KATNIP: variants seen among roughly 807,000 people sequenced by gnomAD.
KATNIP encodes katanin-interacting protein.
In KATNIP, 126 loss-of-function variants were observed where a neutral mutation model predicts 174.0. The ratio of observed to expected loss-of-function variants is 0.72; its 90% confidence interval spans 0.63 to 0.84. The LOEUF (loss-of-function observed/expected upper bound fraction) is 0.84. Among genes scored for constraint, KATNIP ranks in the 40% least tolerant of loss-of-function variants. The pLI is 0.00. For synonymous variants in KATNIP, 810 were observed against 835.7 expected, an observed-to-expected ratio of 0.97 and a Z score of 0.53; for missense variants, 1,958 against 2,109.7, an observed-to-expected ratio of 0.93 and a Z score of 1.41.
chr16:27,730,121 C>T (rs2080612825), intron 14 of KATNIP, among the ~76,000 whole-genome samples: 2 of 152,234 alleles, frequency 1.3e-5, no homozygotes, highest in South Asian at 4.1e-4. Context: ...CTGCAGAATG[C>T]TTCAGGGGAG....
chr16:27,718,637 C>T (rs1022841913), intron 13 of KATNIP: 2 of 152,186 alleles, frequency 1.3e-5, no homozygotes, highest in Admixed American at 6.5e-5. Context: ...TAAGGGTCAG[C>T]CATCAGTCTC....
Position 27,756,879 on chromosome 16 carries a change from C to T in KATNIP, c.3631+2628C>T, listed in dbSNP as rs573940917. ...TGCCTCCCTCTCCCTGCTTTCTTTT[C>T]GTCTCTTGACATTCTCCCATTCAAC... On this transcript the variant is annotated intron_variant, in intron 18 of 27. Coordinates refer to ENST00000261588, the MANE Select transcript of KATNIP (RefSeq NM_015202.5). Among the ~76,000 whole-genome samples, 167 of 152,314 alleles carry T rather than the reference C, an allele frequency of 1.1e-3. 2 individuals carry two copies. The highest frequency in any genetic ancestry group is 3.9e-3 in the African/African-American group (161 of 41,570).
At chr16:27,576,021 T>C (rs2090484004) in intron 2 of KATNIP, among the ~76,000 whole-genome samples, 1 of 152,134 alleles carries the variant, frequency 6.6e-6, no homozygotes, top group Non-Finnish European at 1.5e-5. Context: ...CGCCCTCAGT[T>C]AACTGACCTG....
chr16:27,770,802 TGTG>T (rs1490953446), intron 21 of KATNIP, among the ~76,000 whole-genome samples: 1 of 152,230 alleles, frequency 6.6e-6, no homozygotes, highest in East Asian at 1.9e-4. Flanking sequence ...GTTTTACAGA[TGTG>T]GGAACTGAGG....
At chr16:27,563,499 T>C (rs2089967264) in intron 1 of KATNIP, among the ~76,000 whole-genome samples, 2 of 151,464 alleles carry the variant, frequency 1.3e-5, no homozygotes, top group Non-Finnish European at 2.9e-5. Flanking sequence ...GCCTGGGCAA[T>C]AGAGCAAGGT....
rs759776184 is a variant in KATNIP, at chr16:27,740,111, A to G, written c.1814A>G (p.Asp605Gly). 2.5e-6 allele frequency: 4 copies of G among 1,614,230 alleles called. No homozygotes were observed. The highest frequency in any genetic ancestry group is 1.1e-5 in the South Asian group (1 of 91,086). ...NRNLIFNGKL[D>G]KGDREAPADH... ...AACCTCATCTTCAATGGCAAGTTAGACAAAGGAGATAGGGAGGCCCCAGCT... is the reference window on the plus strand; with the variant it reads ...AACCTCATCTTCAATGGCAAGTTAGGCAAAGGAGATAGGGAGGCCCCAGCT... The change falls in exon 15 of 28, where the codon GAC becomes GGC. Residue 605 changes from aspartate to glycine, a missense_variant. Asp to Gly is a moderately conservative substitution (Grantham distance 94). This residue lies in a region of KATNIP where 1,557 missense variants were observed against 1,617.8 expected (regional missense o/e 0.96). Transcript: ENST00000261588.
At chr16:27,774,052 G>A (rs548007071) in intron 23 of KATNIP, among the ~76,000 whole-genome samples, 3 of 152,284 alleles carry the variant, frequency 2.0e-5, no homozygotes, top group Admixed American at 6.5e-5. Flanking sequence ...CCAAGCAGTA[G>A]GCTATCCTGC....
intron 2 of KATNIP, among the ~76,000 whole-genome samples, chr16:27,596,719 G>A (rs902181639): frequency 1.3e-5 from 2 of 152,116 alleles, no homozygotes; most frequent in South Asian, 2.1e-4. Context: ...GCAAGACCCC[G>A]TTTCCACAAA....
intron 2 of KATNIP, 134 bp from the exon 3 acceptor site, chr16:27,618,291 C>T (rs550111103): frequency 1.7e-5 from 11 of 662,590 alleles, no homozygotes; most frequent in South Asian, 1.0e-4. Flanking sequence ...TGGAGCAATG[C>T]GCCTGGGGTG....
chr16:27,751,645 G>T (rs1597376081), intron 16 of KATNIP, 74 bp from the exon 17 acceptor site: 4 of 1,434,620 alleles, frequency 2.8e-6, no homozygotes, highest in Non-Finnish European at 3.9e-6. Context: ...AAGTGGATGG[G>T]TTTAGGCTCT....
intron 8 of KATNIP, among the ~76,000 whole-genome samples, chr16:27,683,512 C>A (rs2078419621): frequency 6.6e-6 from 1 of 152,114 alleles, no homozygotes; most frequent in Non-Finnish European, 1.5e-5. Flanking sequence ...TGGGAGGCAA[C>A]CCCTGTCGGC....
chr16:27,631,204 G>C lies in KATNIP; in HGVS notation c.408+42G>C, dbSNP rs1349464777. ...CCCAGCCCACGCTTTAGAATACAGA[G>C]TGTGGGTGGCTGTGGGAATAGAAAT... On this transcript the variant is annotated intron_variant, in intron 5 of 27. Coordinates refer to ENST00000261588, the MANE Select transcript of KATNIP (RefSeq NM_015202.5). The C allele has an allele frequency of 3.5e-6, 5 of 1,429,420 alleles. No individual in the cohort carries two copies. In the East Asian group the frequency reaches 9.9e-5, roughly 28 times the overall value. 88.5% of individuals were successfully genotyped at this position (1,429,420 alleles called of 1,614,324 possible).
rs377436080 is a variant in KATNIP, at chr16:27,751,939, G to A, written c.3552+15G>A. On this transcript the variant is annotated intron_variant, in intron 17 of 27. Transcript: ENST00000261588. ...CTGATGAACGGGTAGGACTGGAGCT[G>A]GGGGGCTGTGGGGGGACCCCCAGAT... is the stretch of plus-strand genomic sequence containing the variant. 6.3e-7 allele frequency: 1 copy of A among 1,579,730 alleles called. No individual in the cohort carries two copies. The highest frequency in any genetic ancestry group is 8.6e-7 in the Non-Finnish European group (1 of 1,165,728).
intron 2 of KATNIP, among the ~76,000 whole-genome samples, chr16:27,605,632 A>G (rs2075677632): frequency 6.6e-6 from 1 of 152,188 alleles, no homozygotes; most frequent in Non-Finnish European, 1.5e-5. Context: ...ATATTTTGTT[A>G]GGACACCTAT....
At chr16:27,630,963 G>T in intron 4 of KATNIP, 102 bp from the exon 5 acceptor site, 2 of 849,222 alleles carry the variant, frequency 2.4e-6, no homozygotes, top group Non-Finnish European at 3.9e-6. Context: ...CAAGACTTTG[G>T]GCACACTGAT....
In KATNIP at chr16:27,703,995, A is replaced by G; in HGVS notation, c.1386A>G (p.Thr462=). 1.9e-6 allele frequency: 3 copies of G among 1,612,760 alleles called. No individual in the cohort carries two copies. The highest frequency in any genetic ancestry group is 2.5e-6 in the Non-Finnish European group (3 of 1,178,714). Residue 462 remains threonine (T), a synonymous_variant, in exon 12 of 28, where the codon ACA becomes ACG. Coordinates refer to ENST00000261588, the MANE Select transcript of KATNIP (RefSeq NM_015202.5). ...CAACCAAGGAGCAAGTATCAGACAC[A>G]GAGGTGAGAGCCTTGACTTGATTTT... is the stretch of plus-strand genomic sequence containing the variant. ...VSPTKEQVSD[T]EDKQRMRADE...
intron 1 of KATNIP, among the ~76,000 whole-genome samples, chr16:27,560,147 T>C (rs1177771827): frequency 6.6e-6 from 1 of 151,660 alleles, no homozygotes; most frequent in East Asian, 1.9e-4. Flanking sequence ...CCGGGCGTGG[T>C]GGCGGGTGCC....
rs2080533398 is a variant in KATNIP, at chr16:27,728,434, ATTTG to A, written c.1743+6743_1743+6746del. ...TGAACAGAGAATTCAGCCTTTATTT[ATTTG>A]TTTATTTATTTAGAGACAGTCTCGC... On this transcript the variant is annotated intron_variant, in intron 14 of 27. Coordinates refer to ENST00000261588, the MANE Select transcript of KATNIP (RefSeq NM_015202.5). Among the ~76,000 whole-genome samples the A allele has an allele frequency of 3.9e-5, 6 of 152,148 alleles. No homozygotes were observed. The South Asian group carries it at 1.0e-3, about 26-fold the overall frequency.
At chr16:27,553,822 TAGAC>T (rs2089494780) in intron 1 of KATNIP, among the ~76,000 whole-genome samples, 1 of 151,778 alleles carries the variant, frequency 6.6e-6, no homozygotes, top group South Asian at 2.1e-4. Flanking sequence ...AGTAAAAAAT[TAGAC>T]AGGTATAGTG....
Sources: allele counts gnomAD v4.1 joint callset (sites outside exome capture counted in the v4.1 genomes callset), GRCh38; gene constraint gnomAD v4.1.1; regional missense constraint gnomAD v4.1.1; transcripts MANE v1.5; gene names NCBI Gene and HGNC (gene_info 2026-07-23, HGNC 2026-07-21).